The following LHFPL3 variants were observed in gnomAD, a reference collection of about 807,000 sequenced individuals.
The protein encoded by LHFPL3 is LHFPL tetraspan subfamily member 3, also known as LHFPL tetraspan subfamily member 3 protein.
LHFPL3 carries 5 observed loss-of-function variants against 19.3 expected under a neutral mutation model. That is an observed-to-expected ratio of 0.26 (90% confidence interval 0.14 to 0.54). The LOEUF is 0.54. Ranked by LOEUF, LHFPL3 falls within the 20% of genes least tolerant of loss-of-function variation. The probability of loss-of-function intolerance (pLI) is 0.94; values close to 1 mark genes in which losing one functional copy is unlikely to be tolerated. For synonymous variants in LHFPL3, 133 were observed against 126.2 expected, an observed-to-expected ratio of 1.05 and a Z score of -0.36; for missense variants, 249 against 307.4, an observed-to-expected ratio of 0.81 and a Z score of 1.42.
intron 1 of LHFPL3, among the ~76,000 whole-genome samples, chr7:104,674,233 T>C (rs577666682): frequency 2.0e-4 from 31 of 151,906 alleles, no homozygotes; most frequent in African/African-American, 7.0e-4. Context: ...AGTCTTACTG[T>C]CAATCACACC....
chr7:104,727,124 C>G (rs1036532640), intron 1 of LHFPL3, among the ~76,000 whole-genome samples: 1 of 152,132 alleles, frequency 6.6e-6, no homozygotes, highest in Non-Finnish European at 1.5e-5. Context: ...GCATAAATAT[C>G]TTCTTTTGAG....
At chr7:104,828,912 G>A (rs1423026666) in intron 2 of LHFPL3, among the ~76,000 whole-genome samples, 1 of 151,872 alleles carries the variant, frequency 6.6e-6, no homozygotes, top group Non-Finnish European at 1.5e-5. Flanking sequence ...GTGCACGCCT[G>A]TAATCCCAGC....
At chr7:104,527,684 A>G (rs1794216580) in intron 1 of LHFPL3, among the ~76,000 whole-genome samples, 1 of 152,122 alleles carries the variant, frequency 6.6e-6, no homozygotes, top group African/African-American at 2.4e-5. Context: ...ATAGCAGAGG[A>G]GTGAAGGAGG....
At chr7:104,562,377 C>T (rs1037064637) in intron 1 of LHFPL3, among the ~76,000 whole-genome samples, 6 of 152,126 alleles carry the variant, frequency 3.9e-5, no homozygotes, top group African/African-American at 1.4e-4. Context: ...AGGCTTTGCT[C>T]ATTTCTTTTT....
intron 1 of LHFPL3, among the ~76,000 whole-genome samples, chr7:104,661,542 G>C (rs534784378): frequency 6.6e-6 from 1 of 152,238 alleles, no homozygotes; most frequent in Non-Finnish European, 1.5e-5. Context: ...AAAAGAAAAA[G>C]ATATTTTTAT....
intron 1 of LHFPL3, among the ~76,000 whole-genome samples, chr7:104,461,543 A>G (rs919965524): frequency 2.0e-5 from 3 of 152,068 alleles, no homozygotes; most frequent in African/African-American, 7.2e-5. Flanking sequence ...GGGGCTCTCT[A>G]TTCTGTTCCA....
intron 1 of LHFPL3, among the ~76,000 whole-genome samples, chr7:104,388,892 G>A (rs1791003934): frequency 1.3e-5 from 2 of 151,980 alleles, no homozygotes; most frequent in South Asian, 4.1e-4. Flanking sequence ...ACTGATAAAA[G>A]ACATCTATGA....
intron 1 of LHFPL3, among the ~76,000 whole-genome samples, chr7:104,543,247 TAA>T (rs1423610076): frequency 2.0e-5 from 3 of 151,984 alleles, no homozygotes; most frequent in Non-Finnish European, 4.4e-5. Context: ...TGGCGATCAT[TAA>T]AAAGTCAGGA....
intron 2 of LHFPL3, among the ~76,000 whole-genome samples, chr7:104,814,738 T>G (rs1790532515): frequency 6.6e-6 from 1 of 152,210 alleles, no homozygotes; most frequent in South Asian, 2.1e-4. Context: ...AGTGCCCAAA[T>G]TCCAGAGGGG....
At chr7:104,511,800 A>C (rs1793818979) in intron 1 of LHFPL3, among the ~76,000 whole-genome samples, 1 of 152,128 alleles carries the variant, frequency 6.6e-6, no homozygotes, top group South Asian at 2.1e-4. Context: ...CTTGTTCCCC[A>C]AAAACCTGTT....
intron 2 of LHFPL3, among the ~76,000 whole-genome samples, chr7:104,737,793 A>T (rs1199872192): frequency 6.6e-6 from 1 of 152,120 alleles, no homozygotes; most frequent in Admixed American, 6.6e-5. Context: ...TCCTTCTTCT[A>T]GCTCTTATTT....
intron 1 of LHFPL3, among the ~76,000 whole-genome samples, chr7:104,355,120 T>A (rs575677027): frequency 6.6e-5 from 10 of 152,214 alleles, no homozygotes; most frequent in Admixed American, 1.3e-4. Context: ...GCTCTTCCTG[T>A]ATTGGGCCAA....
chr7:104,729,327 A>G (rs1469477900), intron 1 of LHFPL3, among the ~76,000 whole-genome samples: 1 of 152,222 alleles, frequency 6.6e-6, no homozygotes, highest in African/African-American at 2.4e-5. Context: ...AGAATAGTAT[A>G]TCCATCACCT....
At chr7:104,707,220 CA>C (rs1793207553) in intron 1 of LHFPL3, among the ~76,000 whole-genome samples, 1 of 152,142 alleles carries the variant, frequency 6.6e-6, no homozygotes, top group African/African-American at 2.4e-5. Flanking sequence ...CACCAATTCC[CA>C]GGGTACATAG....
At chr7:104,476,742 G>A (rs995517297) in intron 1 of LHFPL3, among the ~76,000 whole-genome samples, 1 of 152,144 alleles carries the variant, frequency 6.6e-6, no homozygotes, top group Admixed American at 6.5e-5. Flanking sequence ...TTACAGGCAT[G>A]AGCCACCACG....
At chr7:104,792,899 T>A (rs959610117) in intron 2 of LHFPL3, among the ~76,000 whole-genome samples, 1 of 152,140 alleles carries the variant, frequency 6.6e-6, no homozygotes, top group Non-Finnish European at 1.5e-5. Flanking sequence ...TTGCTAGCAT[T>A]TTTTTTGTTT....
intron 2 of LHFPL3, among the ~76,000 whole-genome samples, chr7:104,839,327 C>T (rs1030375765): frequency 2.0e-5 from 3 of 152,100 alleles, no homozygotes; most frequent in Non-Finnish European, 4.4e-5. Flanking sequence ...AGGGTTTCCA[C>T]CTATATGGCA....
chr7:104,713,127 G>A (rs950743355), intron 1 of LHFPL3, among the ~76,000 whole-genome samples: 2 of 152,092 alleles, frequency 1.3e-5, no homozygotes, highest in South Asian at 2.1e-4. Flanking sequence ...AAGCTCTGCT[G>A]ATGGCCATAT....
chr7:104,540,269 G>T (rs746307255), intron 1 of LHFPL3, among the ~76,000 whole-genome samples: 5 of 152,300 alleles, frequency 3.3e-5, no homozygotes, highest in Non-Finnish European at 7.4e-5. Context: ...TGTTGAGCAT[G>T]AGATATGGTA....
Sources: gnomAD v4.1 joint callset for allele counts (sites outside exome capture counted in the v4.1 genomes callset) on GRCh38, gnomAD v4.1.1 for gene constraint, MANE v1.5 for transcripts, NCBI Gene and HGNC (gene_info 2026-07-23, HGNC 2026-07-21) for gene names.